The following SPIDR variants were observed in gnomAD, a reference collection of about 807,000 sequenced individuals.
SPIDR encodes the protein DNA repair-scaffolding protein.
Under a neutral mutation model 104.6 loss-of-function variants are expected in SPIDR, and 93 were observed. The observed-to-expected ratio is 0.89, with a 90% CI of 0.75 to 1.06. The LOEUF is 1.06. SPIDR is among the 50% of genes least tolerant of loss of function. The probability of loss-of-function intolerance (pLI) is 0.00; values close to 1 mark genes in which losing one functional copy is unlikely to be tolerated. For synonymous variants in SPIDR, 431 were observed against 416.9 expected, an observed-to-expected ratio of 1.03 and a Z score of -0.41; for missense variants, 1,154 against 1,111.2, an observed-to-expected ratio of 1.04 and a Z score of -0.55.
At chr8:47,629,575 A>C (rs1244279151) in intron 10 of SPIDR, among the ~76,000 whole-genome samples, 1 of 152,224 alleles carries the variant, frequency 6.6e-6, no homozygotes, top group Non-Finnish European at 1.5e-5. Flanking sequence ...CAACATAGTG[A>C]AGCCCCTTCT....
rs1491137131 is a variant in SPIDR, at chr8:47,565,993, T to TATATATATATATATATA, written c.1098-29818_1098-29817insATATATATATATATATA. Among the ~76,000 whole-genome samples the TATATATATATATATATA allele has an allele frequency of 4.2e-3, 120 of 28,718 alleles. 1 individual carries two copies. Among genetic ancestry groups the TATATATATATATATATA allele is most frequent in the Non-Finnish European group, 6.3e-3 (88 of 14,056 alleles). The allele number at this position is 28,718 out of a possible 152,430, so 18.8% of individuals were successfully genotyped here. On this transcript the variant is annotated intron_variant, in intron 8 of 19. Coordinates refer to ENST00000297423, the MANE Select transcript of SPIDR (RefSeq NM_001080394.4). The stretch of plus-strand genomic sequence containing the variant: ...ACTCATATATATATATATATATATA[T>TATATATATATATATATA]TTTTTTTTTTTTTTTTTTTTTTTTT...
intron 11 of SPIDR, among the ~76,000 whole-genome samples, chr8:47,685,118 C>T (rs1388840461): frequency 2.0e-5 from 3 of 152,048 alleles, no homozygotes; most frequent in Middle Eastern, 3.4e-3. Context: ...AGGCTGAGGC[C>T]GGAGAATCGC....
At chr8:47,714,798 TC>T (rs1421830466) in intron 16 of SPIDR, among the ~76,000 whole-genome samples, 5 of 152,160 alleles carry the variant, frequency 3.3e-5, no homozygotes, top group Admixed American at 6.5e-5. Flanking sequence ...AATAAACTCT[TC>T]CTCCACTCAT....
intron 5 of SPIDR, among the ~76,000 whole-genome samples, chr8:47,322,488 T>C (rs2046858994): frequency 1.3e-5 from 2 of 152,204 alleles, no homozygotes; most frequent in African/African-American, 2.4e-5. Flanking sequence ...ACACCGTTGG[T>C]GGGACTGTAA....
At chr8:47,507,677 A>G (rs900336713) in intron 8 of SPIDR, among the ~76,000 whole-genome samples, 2 of 152,236 alleles carry the variant, frequency 1.3e-5, no homozygotes, top group African/African-American at 4.8e-5. Flanking sequence ...AGGACACAGT[A>G]TCCTGGACAT....
At chr8:47,706,350 G>A (rs927381771) in intron 14 of SPIDR, among the ~76,000 whole-genome samples, 14 of 151,842 alleles carry the variant, frequency 9.2e-5, no homozygotes, top group Admixed American at 7.2e-4. Context: ...CCAAGACCAC[G>A]CCACTGCACT....
In SPIDR at chr8:47,735,460, CAGGATCTGTGAACTTTGCA is replaced by C; in HGVS notation, c.*12_*30del. On this transcript the variant is annotated 3_prime_UTR_variant, in exon 20 of 20. Transcript: ENST00000297423. ...CTCTGCAGAACACTAGCGGTTGCCG[CAGGATCTGTGAACTTTGCA>C]ATGTGGCTGCAAGGGTGGTGGTGGT... 1 of 1,614,016 alleles carries C rather than the reference CAGGATCTGTGAACTTTGCA, an allele frequency of 6.2e-7. No homozygotes were observed.
chr8:47,411,817 G>T (rs565061047), intron 7 of SPIDR, among the ~76,000 whole-genome samples: 5 of 152,180 alleles, frequency 3.3e-5, no homozygotes, highest in Non-Finnish European at 7.4e-5. Context: ...AATTCATCTT[G>T]AATTAATTTT....
chr8:47,531,726 T>C (rs1441766947), intron 8 of SPIDR, among the ~76,000 whole-genome samples: 7 of 152,224 alleles, frequency 4.6e-5, no homozygotes, highest in East Asian at 1.9e-4. Flanking sequence ...GAAAGTCTTA[T>C]TAGTCAATTT....
intron 5 of SPIDR, among the ~76,000 whole-genome samples, chr8:47,350,548 A>C (rs1308713818): frequency 6.6e-6 from 1 of 152,166 alleles, no homozygotes; most frequent in Non-Finnish European, 1.5e-5. Flanking sequence ...TCTTGACATT[A>C]AGTGATCTGC....
intron 5 of SPIDR, among the ~76,000 whole-genome samples, chr8:47,302,539 A>T (rs2042292929): frequency 1.3e-5 from 2 of 152,138 alleles, no homozygotes; most frequent in South Asian, 2.1e-4. Context: ...TAGAGTTTCC[A>T]GTTTTTCTGC....
At chr8:47,667,510 G>A (rs2075139412) in intron 10 of SPIDR, among the ~76,000 whole-genome samples, 1 of 150,154 alleles carries the variant, frequency 6.7e-6, no homozygotes, top group Non-Finnish European at 1.5e-5. Context: ...TACTCAGGAG[G>A]CTGAAGTAGG....
At chr8:47,684,469 C>G (rs1291204070) in intron 11 of SPIDR, among the ~76,000 whole-genome samples, 2 of 152,160 alleles carry the variant, frequency 1.3e-5, no homozygotes, top group Non-Finnish European at 2.9e-5. Context: ...ATCCATATGT[C>G]TTGGTTAATA....
chr8:47,279,932 G>A lies in SPIDR; in HGVS notation c.104G>A (p.Gly35Asp), dbSNP rs1285296804. ...GERPLQVRRAGLRTAGAAASL... is the reference protein window; with the variant it reads ...GERPLQVRRADLRTAGAAASL... The stretch of plus-strand genomic sequence containing the variant: ...AGACCACTGCAGGTCAGAAGAGCAG[G>A]TCTCAGGACAGCAGGGGCAGCTGCC... Residue 35 changes from glycine (G) to aspartate (D), a missense_variant, in exon 2 of 20, where the codon GGT becomes GAT. Coordinates refer to ENST00000297423, the MANE Select transcript of SPIDR (RefSeq NM_001080394.4). 6 of 1,614,136 alleles carry A rather than the reference G, an allele frequency of 3.7e-6. No individual in the cohort carries two copies. In the East Asian group the frequency reaches 1.3e-4, roughly 36 times the overall value.
At chr8:47,410,722 A>G (rs1180211212) in intron 7 of SPIDR, among the ~76,000 whole-genome samples, 2 of 152,018 alleles carry the variant, frequency 1.3e-5, no homozygotes, top group African/African-American at 4.8e-5. Flanking sequence ...GGTTTCTTAC[A>G]TATGTATATA....
intron 16 of SPIDR, among the ~76,000 whole-genome samples, chr8:47,714,895 T>C (rs890956399): frequency 6.6e-6 from 1 of 152,198 alleles, no homozygotes; most frequent in African/African-American, 2.4e-5. Context: ...CTGATTTCTG[T>C]AAAGGAGGAT....
In SPIDR at chr8:47,651,630, A is replaced by T. The variant is rs184388911; in HGVS notation, c.1545-22171A>T. 2.2e-4 allele frequency among the ~76,000 whole-genome samples: 33 copies of T among 152,258 alleles called. 1 individual carries two copies. The East Asian group carries it at 5.2e-3, about 24-fold the overall frequency. On this transcript the variant is annotated intron_variant, in intron 10 of 19. Transcript: ENST00000297423. ...CCCAAAGGAAAGTAAATCATTATAT[A>T]AAAAAAGACACCTATACACATATAT...
intron 5 of SPIDR, among the ~76,000 whole-genome samples, chr8:47,360,244 CAAAAAAAAAA>C (rs1186187617): frequency 2.6e-4 from 10 of 38,964 alleles, no homozygotes; most frequent in South Asian, 4.0e-3. Context: ...GACTCCATCT[CAAAAAAAAAA>C]AAAAAAAAAA....
At chr8:47,483,802 G>C (rs1554728851) in intron 8 of SPIDR, among the ~76,000 whole-genome samples, 1 of 152,096 alleles carries the variant, frequency 6.6e-6, no homozygotes, top group African/African-American at 2.4e-5. Context: ...GAAAACCTTG[G>C]TCACCTCTGT....
Sources: allele counts gnomAD v4.1 joint callset (sites outside exome capture counted in the v4.1 genomes callset), GRCh38; gene constraint gnomAD v4.1.1; transcripts MANE v1.5; gene names NCBI Gene and HGNC (gene_info 2026-07-23, HGNC 2026-07-21).